Variants in ATRNL1 observed in about 807,000 individuals in gnomAD.
The protein encoded by ATRNL1 is attractin-like protein 1.
ATRNL1 carries 95 observed loss-of-function variants against 182.7 expected under a neutral mutation model. The ratio of observed to expected loss-of-function variants is 0.52; its 90% CI spans 0.44 to 0.62. The LOEUF is 0.62. Ranked by LOEUF, ATRNL1 falls within the 20% of genes least tolerant of loss-of-function variation. The probability of loss-of-function intolerance (pLI) is 0.00; values close to 1 mark genes in which losing one functional copy is unlikely to be tolerated. For synonymous variants in ATRNL1, 576 were observed against 568.3 expected (o/e 1.01, Z -0.19); for missense variants, 1,471 against 1,679.5 (o/e 0.88, Z 2.17).
At chr10:115,166,821 C>T (rs540400804) in intron 7 of ATRNL1, among the ~76,000 whole-genome samples, 8 of 151,954 alleles carry the variant, frequency 5.3e-5, no homozygotes, top group African/African-American at 1.9e-4. Flanking sequence ...ATATGATTTC[C>T]AGATATTTTC....
chr10:115,362,824 T>C (rs1349600725), intron 19 of ATRNL1, among the ~76,000 whole-genome samples: 1 of 151,434 alleles, frequency 6.6e-6, no homozygotes, highest in Non-Finnish European at 1.5e-5. Context: ...TCCAATTTCA[T>C]CCATGTCCCT....
intron 25 of ATRNL1, among the ~76,000 whole-genome samples, chr10:115,536,313 T>A (rs1406276878): frequency 6.6e-6 from 1 of 152,168 alleles, no homozygotes; most frequent in African/African-American, 2.4e-5. Flanking sequence ...GCCTGGGCAA[T>A]GGCGGGCGCC....
chr10:115,627,235 A>G (rs1858166340), intron 26 of ATRNL1, among the ~76,000 whole-genome samples: 1 of 152,126 alleles, frequency 6.6e-6, no homozygotes, highest in African/African-American at 2.4e-5. Context: ...CACCAACCTG[A>G]AGTGGGTCTT....
chr10:115,487,146 T>C (rs115258495), intron 24 of ATRNL1, among the ~76,000 whole-genome samples: 4,052 of 152,236 alleles, frequency 0.027, 210 homozygotes, highest in African/African-American at 0.094. Flanking sequence ...CATAGCCTTG[T>C]AGTATAGTTT....
At chr10:115,583,757 A>G (rs1555008685) in intron 26 of ATRNL1, among the ~76,000 whole-genome samples, 2 of 150,654 alleles carry the variant, frequency 1.3e-5, no homozygotes, top group East Asian at 2.0e-4. Context: ...TCTCCTGTCT[A>G]ATTGCCCTGG....
chr10:115,328,098 A>G (rs1251054620), intron 18 of ATRNL1, among the ~76,000 whole-genome samples: 1 of 150,284 alleles, frequency 6.7e-6, no homozygotes, highest in Non-Finnish European at 1.5e-5. Flanking sequence ...ATAATAAAAA[A>G]TAATTTAAAA....
chr10:115,808,279 C>T (rs1949967723), intron 27 of ATRNL1, among the ~76,000 whole-genome samples: 1 of 152,050 alleles, frequency 6.6e-6, no homozygotes, highest in Admixed American at 6.6e-5. Context: ...ACATAAATGA[C>T]TTTGTCCAAA....
chr10:115,862,799 A>C (rs546862342), intron 28 of ATRNL1, among the ~76,000 whole-genome samples: 7 of 152,320 alleles, frequency 4.6e-5, no homozygotes, highest in African/African-American at 1.7e-4. Flanking sequence ...AAATAACCTG[A>C]ATGACCATAC....
At chr10:115,641,188 A>G (rs1859223870) in intron 26 of ATRNL1, among the ~76,000 whole-genome samples, 1 of 152,214 alleles carries the variant, frequency 6.6e-6, no homozygotes, top group Non-Finnish European at 1.5e-5. Flanking sequence ...CAAAACAATA[A>G]TATAATTCAT....
At chr10:115,790,066 T>C (rs1387704965) in intron 27 of ATRNL1, among the ~76,000 whole-genome samples, 1 of 152,200 alleles carries the variant, frequency 6.6e-6, no homozygotes, top group Non-Finnish European at 1.5e-5. Flanking sequence ...TTCCATTAAA[T>C]ATTCTATGCT....
At chr10:115,626,602 G>A (rs1555024710) in intron 26 of ATRNL1, among the ~76,000 whole-genome samples, 1 of 152,018 alleles carries the variant, frequency 6.6e-6, no homozygotes, top group East Asian at 1.9e-4. Flanking sequence ...CATTTTTTGT[G>A]ACTCTTAATC....
At chr10:115,750,924 G>T (rs1948430232) in intron 27 of ATRNL1, among the ~76,000 whole-genome samples, 1 of 151,972 alleles carries the variant, frequency 6.6e-6, no homozygotes, top group African/African-American at 2.4e-5. Context: ...TATCAGTAAG[G>T]TTGGCAAAAA....
intron 27 of ATRNL1, among the ~76,000 whole-genome samples, chr10:115,734,057 A>G (rs923851059): frequency 3.3e-5 from 5 of 152,146 alleles, no homozygotes; most frequent in African/African-American, 4.8e-5. Context: ...TGATTCAAAA[A>G]TACATTTTAA....
intron 27 of ATRNL1, among the ~76,000 whole-genome samples, chr10:115,833,574 A>T (rs1457262877): frequency 4.6e-5 from 7 of 152,226 alleles, no homozygotes; most frequent in African/African-American, 1.7e-4. Flanking sequence ...AATCACTGAC[A>T]TTTATTGAAC....
At chr10:115,297,229 A>G (rs1853240130) in intron 15 of ATRNL1, among the ~76,000 whole-genome samples, 3 of 152,224 alleles carry the variant, frequency 2.0e-5, no homozygotes, top group African/African-American at 7.2e-5. Flanking sequence ...TTTTTGAAGA[A>G]TGTGACAAGG....
chr10:115,401,280 G>A (rs1275842711), intron 20 of ATRNL1, among the ~76,000 whole-genome samples: 1 of 152,026 alleles, frequency 6.6e-6, no homozygotes, highest in Non-Finnish European at 1.5e-5. Flanking sequence ...AACTCACTCT[G>A]TAGTCATTTT....
intron 27 of ATRNL1, among the ~76,000 whole-genome samples, chr10:115,841,322 A>G (rs1390522275): frequency 6.6e-6 from 1 of 152,140 alleles, no homozygotes; most frequent in Admixed American, 6.6e-5. Flanking sequence ...TAAAATAACT[A>G]CAAAACTCAG....
intron 28 of ATRNL1, among the ~76,000 whole-genome samples, chr10:115,923,671 T>C (rs1953135083): frequency 6.6e-6 from 1 of 152,212 alleles, no homozygotes; most frequent in African/African-American, 2.4e-5. Flanking sequence ...GCATTTGGGT[T>C]GGTTCCATGA....
At chr10:115,626,195 A>T (rs971942318) in intron 26 of ATRNL1, among the ~76,000 whole-genome samples, 2 of 152,186 alleles carry the variant, frequency 1.3e-5, no homozygotes, top group Admixed American at 6.5e-5. Context: ...AAGAGAACTT[A>T]AAAACAATGG....
Sources: gnomAD v4.1 joint callset for allele counts (sites outside exome capture counted in the v4.1 genomes callset) on GRCh38, gnomAD v4.1.1 for gene constraint, MANE v1.5 for transcripts, NCBI Gene and HGNC (gene_info 2026-07-23, HGNC 2026-07-21) for gene names.